The following HPD variants were observed in gnomAD, a reference collection of about 807,000 sequenced individuals.
HPD encodes 4-hydroxyphenylpyruvic acid oxidase.
A neutral mutation model predicts 56.9 loss-of-function variants in HPD; 35 were observed. The ratio of observed to expected loss-of-function variants is 0.62; its 90% CI spans 0.47 to 0.82. The LOEUF is 0.82. Ranked by LOEUF, HPD falls within the 40% of genes least tolerant of loss-of-function variation. HPD has a pLI of 0.00. For missense variants in HPD, 442 were observed against 506.8 expected (o/e 0.87, Z 1.23); for synonymous variants, 186 against 200.2 (o/e 0.93, Z 0.60).
At position 121,846,940 on chromosome 12, in the gene HPD, G is replaced by A. The variant is rs748133768; in HGVS notation, c.760-7C>T. The A allele has an allele frequency of 2.4e-5, 39 of 1,613,912 alleles. No individual in the cohort carries two copies. The highest frequency in any genetic ancestry group is 3.3e-4 in the Middle Eastern group (2 of 6,084). On this transcript the variant is annotated splice_region_variant and splice_polypyrimidine_tract_variant and intron_variant, in intron 10 of 13. Coordinates refer to ENST00000289004, the MANE Select transcript of HPD (RefSeq NM_002150.3). ...CGTTATAGTCCACATATTCCTGGGGGAGGGAAACAAGGAGACCACTGTCAT... is the reference window on the plus strand; with the variant it reads ...CGTTATAGTCCACATATTCCTGGGGAAGGGAAACAAGGAGACCACTGTCAT...
chr12:121,884,171 CTTTTT>C, the HPD span, among the ~76,000 whole-genome samples: 6 of 124,166 alleles, frequency 4.8e-5, no homozygotes, highest in East Asian at 5.2e-4. Flanking sequence ...CTTTTCCTCT[CTTTTT>C]TTTTTTTTTT....
intron 11 of HPD, among the ~76,000 whole-genome samples, chr12:121,845,397 C>G (rs1000988115): frequency 6.7e-6 from 1 of 149,356 alleles, no homozygotes; most frequent in South Asian, 2.1e-4. Context: ...GAGATCGAGA[C>G]CATCCTGGCT....
chr12:121,879,496 T>TCTTCTCTTCC, the HPD span, among the ~76,000 whole-genome samples: 1 of 151,448 alleles, frequency 6.6e-6, no homozygotes, highest in African/African-American at 2.4e-5. Context: ...TCTTCTCTTC[T>TCTTCTCTTCC]CTTCTCTTTT....
intron 2 of HPD, 66 bp from the exon 3 acceptor site, chr12:121,857,885 T>C: frequency 8.2e-7 from 1 of 1,221,480 alleles, no homozygotes; most frequent in Non-Finnish European, 1.2e-6. Context: ...GCGGGTGGAG[T>C]GATGTCCCCT....
At chr12:121,881,829 A>ATTTTTTTTTTTTTTTTTTTTT in the HPD span, among the ~76,000 whole-genome samples, 1 of 97,138 alleles carries the variant, frequency 1.0e-5, no homozygotes, top group African/African-American at 2.7e-5. Flanking sequence ...TGTATTTTTA[A>ATTTTTTTTTTTTTTTTTTTTT]TAGAGACAGG....
intron 3 of HPD, 71 bp downstream of exon 3, chr12:121,857,686 G>A: frequency 1.5e-6 from 2 of 1,330,072 alleles, no homozygotes; most frequent in Non-Finnish European, 2.2e-6. Context: ...GACCCTGCTG[G>A]AGGCCTGCCC....
chr12:121,879,482 G>GTTCTCTTCTCTTCTCTTCTC, the HPD span, among the ~76,000 whole-genome samples: 36,217 of 147,768 alleles, frequency 0.25, 5,448 homozygotes, highest in East Asian at 0.43. Context: ...TTTCTCTTCT[G>GTTCTCTTCTCTTCTCTTCTC]TTCTCTTCTC....
At chr12:121,873,648 C>A in the HPD span, among the ~76,000 whole-genome samples, 3 of 152,006 alleles carry the variant, frequency 2.0e-5, no homozygotes, top group Admixed American at 2.0e-4. Context: ...GAAACCCCAT[C>A]TCTACTAAAA....
At chr12:121,870,595 GTT>G in the HPD span, among the ~76,000 whole-genome samples, 8 of 123,260 alleles carry the variant, frequency 6.5e-5, no homozygotes, top group Non-Finnish European at 6.6e-5. Flanking sequence ...GCTATTGAAG[GTT>G]TTTTTTTTTT....
chr12:121,864,554 TA>T (rs11412457), upstream of HPD, among the ~76,000 whole-genome samples: 183 of 130,898 alleles, frequency 1.4e-3, no homozygotes, highest in East Asian at 3.3e-3. Context: ...CCCTGACTAT[TA>T]AAAAAAAAAA....
the HPD span, among the ~76,000 whole-genome samples, chr12:121,868,724 T>G: frequency 2.6e-5 from 4 of 151,990 alleles, no homozygotes; most frequent in Admixed American, 6.6e-5. Flanking sequence ...TTTCACCATG[T>G]TGGCCAGGCT....
chr12:121,875,925 AG>A, the HPD span, among the ~76,000 whole-genome samples: 2 of 152,150 alleles, frequency 1.3e-5, no homozygotes, highest in Non-Finnish European at 2.9e-5. Context: ...GTTCAAGACC[AG>A]CCTGGGCAAC....
At chr12:121,842,796 G>GGAAT (rs1437710224) in intron 12 of HPD, among the ~76,000 whole-genome samples, 1 of 135,102 alleles carries the variant, frequency 7.4e-6, no homozygotes, top group Non-Finnish European at 1.5e-5. Flanking sequence ...CGCCCAGGCT[G>GGAAT]GAATGTAGTA....
At chr12:121,860,329 C>T (rs1268838377), upstream of HPD, among the ~76,000 whole-genome samples, 1 of 152,164 alleles carries the variant, frequency 6.6e-6, no homozygotes, top group African/African-American at 2.4e-5. Flanking sequence ...ACTCAAACCC[C>T]CACTCCTGGA....
At position 121,839,846 on chromosome 12, in the gene HPD, G is replaced by A. The variant is rs1400841849; in HGVS notation, c.1072-8C>T. The A allele has an allele frequency of 1.2e-6, 2 of 1,613,198 alleles. No individual in the cohort carries two copies. Among genetic ancestry groups the A allele is most frequent in the East Asian group, 2.2e-5 (1 of 44,894 alleles). On this transcript the variant is annotated splice_region_variant and splice_polypyrimidine_tract_variant and intron_variant, in intron 13 of 13. Coordinates refer to ENST00000289004, the MANE Select transcript of HPD (RefSeq NM_002150.3). ...GTTGCCGGCTCCAAAACCCTGTGGC[G>A]GGAAAGAGAGGAGATGAGCCAAGGA...
At chr12:121,886,182 C>T in the HPD span, among the ~76,000 whole-genome samples, 2 of 149,520 alleles carry the variant, frequency 1.3e-5, no homozygotes, top group Admixed American at 1.3e-4. Flanking sequence ...GATCTCTGCT[C>T]ACTGCAAGCT....
the HPD span, among the ~76,000 whole-genome samples, chr12:121,883,735 T>G: frequency 6.6e-6 from 1 of 150,686 alleles, no homozygotes; most frequent in Non-Finnish European, 1.5e-5. Context: ...CTCAGGCTGG[T>G]CTCAAATTCC....
chr12:121,845,934 C>T (rs1207646834), intron 11 of HPD, among the ~76,000 whole-genome samples: 2 of 152,160 alleles, frequency 1.3e-5, no homozygotes, highest in African/African-American at 4.8e-5. Context: ...GCCTCACTCT[C>T]TGTCACCTAG....
At chr12:121,877,094 C>CA in the HPD span, among the ~76,000 whole-genome samples, 6,578 of 117,562 alleles carry the variant, frequency 0.056, 502 homozygotes, top group African/African-American at 0.17. Context: ...ACTCCATCTC[C>CA]AAAAAAAAAA....
Sources: allele counts gnomAD v4.1 joint callset (sites outside exome capture counted in the v4.1 genomes callset), GRCh38; gene constraint gnomAD v4.1.1; transcripts MANE v1.5; gene names NCBI Gene and HGNC (gene_info 2026-07-23, HGNC 2026-07-21).